PRIM2: variants seen among roughly 807,000 people sequenced by gnomAD.
The protein encoded by PRIM2 is DNA primase large subunit.
A neutral mutation model predicts 67.3 loss-of-function variants in PRIM2; 39 were observed. The observed-to-expected ratio is 0.58, with a 90% CI of 0.45 to 0.76. The LOEUF (loss-of-function observed/expected upper bound fraction) is 0.76, where lower values mean the gene tolerates loss of function less well. Among genes scored for constraint, PRIM2 ranks in the 30% least tolerant of loss-of-function variants. The pLI, the probability that PRIM2 is intolerant of heterozygous loss-of-function variation, is 0.00. For synonymous variants in PRIM2, 143 were observed against 198.7 expected, an observed-to-expected ratio of 0.72 and a Z score of 2.36; for missense variants, 398 against 598.7, an observed-to-expected ratio of 0.66 and a Z score of 3.50.
chr6:57,580,962 A>AAT (rs1776073396), intron 10 of PRIM2, among the ~76,000 whole-genome samples: 1 of 152,158 alleles, frequency 6.6e-6, no homozygotes, highest in Admixed American at 6.5e-5. Flanking sequence ...AAAGAAAAAA[A>AAT]AATAAAAGGG....
the PRIM2 span, among the ~76,000 whole-genome samples, chr6:57,284,223 C>G: frequency 8.5e-5 from 13 of 152,134 alleles, no homozygotes; most frequent in Non-Finnish European, 1.8e-4. Context: ...ATTGTAAAGT[C>G]TGTGGGTAAA....
intron 10 of PRIM2, among the ~76,000 whole-genome samples, chr6:57,595,716 C>A (rs1776354072): frequency 6.6e-6 from 1 of 152,132 alleles, no homozygotes; most frequent in Non-Finnish European, 1.5e-5. Flanking sequence ...CAAAGAAGTA[C>A]TCTGGGTAAG....
chr6:57,421,222 G>A (rs1771450518), intron 7 of PRIM2, among the ~76,000 whole-genome samples: 1 of 152,056 alleles, frequency 6.6e-6, no homozygotes, highest in Non-Finnish European at 1.5e-5. Context: ...GGTGAATAAA[G>A]GACTAAAGTA....
intron 12 of PRIM2, among the ~76,000 whole-genome samples, chr6:57,616,126 A>T (rs1776752496): frequency 6.6e-6 from 1 of 152,168 alleles, no homozygotes; most frequent in Non-Finnish European, 1.5e-5. Flanking sequence ...CTTTCTTATT[A>T]TGTAGTAATG....
the PRIM2 span, among the ~76,000 whole-genome samples, chr6:57,284,478 C>T: frequency 1.3e-5 from 2 of 152,166 alleles, no homozygotes; most frequent in African/African-American, 4.8e-5. Flanking sequence ...TCAATACATA[C>T]TCAACATACA....
chr6:57,590,548 G>A (rs1332334927), intron 10 of PRIM2, among the ~76,000 whole-genome samples: 2 of 152,272 alleles, frequency 1.3e-5, no homozygotes, highest in African/African-American at 2.4e-5. Flanking sequence ...GGGGATTCTG[G>A]TTAAACAGAA....
the PRIM2 span, among the ~76,000 whole-genome samples, chr6:57,308,101 AATTT>A: frequency 2.0e-4 from 30 of 151,690 alleles, no homozygotes; most frequent in African/African-American, 6.1e-4. Context: ...AATACACCAG[AATTT>A]ATTTATCTAT....
rs1331429527 is a variant in PRIM2, at chr6:57,409,207, G to A, written c.693+27039G>A. Among the ~76,000 whole-genome samples the A allele has an allele frequency of 4.0e-5, 6 of 150,488 alleles. No homozygotes were observed. The East Asian group carries it at 1.2e-3, about 29-fold the overall frequency. On this transcript the variant is annotated intron_variant, in intron 7 of 13. Coordinates refer to ENST00000615550, the MANE Select transcript of PRIM2 (RefSeq NM_000947.5). The stretch of plus-strand genomic sequence containing the variant: ...TTTTTTTTTTTCGAGATGGAGTCTC[G>A]CTCTGTCGCCCAGGCTGGAGTACAC...
the PRIM2 span, among the ~76,000 whole-genome samples, chr6:57,293,071 A>C: frequency 1.3e-5 from 2 of 152,306 alleles, no homozygotes; most frequent in South Asian, 4.1e-4. Flanking sequence ...AATGGGAGAA[A>C]ATTTTTGCAA....
intron 7 of PRIM2, among the ~76,000 whole-genome samples, chr6:57,387,219 A>G (rs2397250): frequency 0.042 from 6,424 of 152,084 alleles, 426 homozygotes; most frequent in African/African-American, 0.14. Flanking sequence ...GAGAGTGAGG[A>G]ATTTCTCTTA....
chr6:57,566,985 G>T (rs1775755737), intron 10 of PRIM2, among the ~76,000 whole-genome samples: 1 of 152,122 alleles, frequency 6.6e-6, no homozygotes, highest in Non-Finnish European at 1.5e-5. Context: ...AAGGGTTGTT[G>T]TGAGGACTAA....
intron 9 of PRIM2, among the ~76,000 whole-genome samples, chr6:57,533,310 G>C (rs1239922178): frequency 1.3e-5 from 2 of 152,064 alleles, no homozygotes; most frequent in East Asian, 1.9e-4. Flanking sequence ...AAATAAGCCA[G>C]CCATAAATAA....
At chr6:57,598,451 G>A (rs1238134115) in intron 10 of PRIM2, among the ~76,000 whole-genome samples, 1 of 152,176 alleles carries the variant, frequency 6.6e-6, no homozygotes, top group Non-Finnish European at 1.5e-5. Flanking sequence ...AGGAAAGTTA[G>A]ATTTTTGTCC....
intron 7 of PRIM2, among the ~76,000 whole-genome samples, chr6:57,440,991 A>G (rs917575186): frequency 1.3e-5 from 2 of 152,176 alleles, no homozygotes; most frequent in Admixed American, 1.3e-4. Flanking sequence ...GAATGTCTGC[A>G]TCTCTGACTT....
At chr6:57,250,810 G>A in the PRIM2 span, among the ~76,000 whole-genome samples, 1 of 152,084 alleles carries the variant, frequency 6.6e-6, no homozygotes, top group Non-Finnish European at 1.5e-5. Context: ...CAAATTACAG[G>A]TTGAGCATCC....
chr6:57,293,109 C>T, the PRIM2 span, among the ~76,000 whole-genome samples: 1 of 152,136 alleles, frequency 6.6e-6, no homozygotes, highest in Non-Finnish European at 1.5e-5. Context: ...GGGCTAATAT[C>T]CAGAATCTAC....
chr6:57,507,400 C>T lies in PRIM2; in HGVS notation c.707C>T (p.Ser236Phe). Residue 236 changes from serine to phenylalanine, a missense_variant, in exon 8 of 14, where the codon TCC (serine) becomes TTC (phenylalanine). By Grantham distance (155) the Ser-to-Phe change is radical. This residue lies in a region of PRIM2 where 229 missense variants were observed against 383.6 expected (regional missense o/e 0.60). Coordinates refer to ENST00000615550, the MANE Select transcript of PRIM2 (RefSeq NM_000947.5). ...CCCTGCTTTTAGTTAACAGCCAGGT[C>T]CTTGCCTGCTGTGCAGTCTGATGAA... is the stretch of plus-strand genomic sequence containing the variant. ...LSKALALTAR[S>F]LPAVQSDERL... 6.5e-7 allele frequency: 1 copy of T among 1,548,334 alleles called. No individual in the cohort carries two copies. Among genetic ancestry groups the T allele is most frequent in the South Asian group, 1.2e-5 (1 of 84,522 alleles).
At chr6:57,231,245 A>G in the PRIM2 span, among the ~76,000 whole-genome samples, 3 of 152,222 alleles carry the variant, frequency 2.0e-5, no homozygotes, top group Non-Finnish European at 4.4e-5. Flanking sequence ...TACTTAAAAA[A>G]GTTTTTACTT....
rs1284546915 is a variant in PRIM2 at position 57,522,899 on chromosome 6, T to G, written c.762-9512T>G. 9.2e-5 allele frequency among the ~76,000 whole-genome samples: 14 copies of G among 152,316 alleles called. No individual in the cohort carries two copies. In the East Asian group the frequency reaches 2.1e-3, roughly 23 times the overall value. ...AGTTGAATATTTGTACTTTGGACAC[T>G]TCCTAAAAATGTGAATATAGACTAT... On this transcript the variant is annotated intron_variant, in intron 8 of 13. Transcript: ENST00000615550.
Sources: gnomAD v4.1 joint callset for allele counts (sites outside exome capture counted in the v4.1 genomes callset) on GRCh38, gnomAD v4.1.1 for gene constraint, gnomAD v4.1.1 regional missense constraint, MANE v1.5 for transcripts, NCBI Gene and HGNC (gene_info 2026-07-23, HGNC 2026-07-21) for gene names.